Variants in CNTN4 observed in about 807,000 individuals in gnomAD.
CNTN4 encodes contactin-4.
A neutral mutation model predicts 122.5 loss-of-function variants in CNTN4; 77 were observed. The observed-to-expected ratio is 0.63, with a 90% CI of 0.52 to 0.76. The LOEUF is 0.76. Ranked by LOEUF, CNTN4 falls within the 30% of genes least tolerant of loss-of-function variation. CNTN4 has a pLI of 0.00. For missense variants in CNTN4, 1,256 were observed against 1,259.1 expected, an observed-to-expected ratio of 1.00 and a Z score of 0.04; for synonymous variants, 512 against 447.0, an observed-to-expected ratio of 1.15 and a Z score of -1.83.
chr3:2,596,070 C>G (rs1003238694), intron 4 of CNTN4, among the ~76,000 whole-genome samples: 8 of 152,228 alleles, frequency 5.3e-5, no homozygotes, highest in African/African-American at 1.9e-4. Context: ...ATAGCATGTG[C>G]CTTTACATGA....
At chr3:2,187,117 A>T (rs1374276529) in intron 2 of CNTN4, among the ~76,000 whole-genome samples, 1 of 152,186 alleles carries the variant, frequency 6.6e-6, no homozygotes, top group Non-Finnish European at 1.5e-5. Context: ...AGGTGTAAGG[A>T]AGGGATCCAC....
chr3:2,290,949 A>T (rs1422522595), intron 2 of CNTN4, among the ~76,000 whole-genome samples: 1 of 152,212 alleles, frequency 6.6e-6, no homozygotes. Flanking sequence ...GACATGTGAA[A>T]GCCTTACATT....
intron 2 of CNTN4, among the ~76,000 whole-genome samples, chr3:2,215,743 C>T (rs1008376531): frequency 2.6e-4 from 39 of 151,780 alleles, no homozygotes; most frequent in African/African-American, 8.0e-4. Flanking sequence ...TTAGCCCAGG[C>T]GTGGTGGCAT....
chr3:2,839,554 CT>C (rs1246750786), intron 7 of CNTN4, among the ~76,000 whole-genome samples: 2 of 152,170 alleles, frequency 1.3e-5, no homozygotes, highest in Non-Finnish European at 2.9e-5. Context: ...GTAGAAATAA[CT>C]TACTTACCCC....
intron 4 of CNTN4, among the ~76,000 whole-genome samples, chr3:2,694,664 G>T (rs537367320): frequency 2.6e-5 from 4 of 152,276 alleles, no homozygotes; most frequent in Admixed American, 6.5e-5. Context: ...AGGAGGCAGA[G>T]GTTGCAGTGA....
intron 2 of CNTN4, among the ~76,000 whole-genome samples, chr3:2,211,499 C>G (rs191650725): frequency 8.5e-5 from 13 of 152,208 alleles, no homozygotes; most frequent in Admixed American, 7.9e-4. Flanking sequence ...CTTCCCTTAT[C>G]AATAGAAAAC....
chr3:2,761,437 C>CGTGTGTGT lies in CNTN4; in HGVS notation c.358+15740_358+15741insGTGTGTGT, dbSNP rs2090584834. Among the ~76,000 whole-genome samples, 3 of 130,462 alleles carry CGTGTGTGT rather than the reference C, an allele frequency of 2.3e-5. No individual in the cohort carries two copies. The East Asian group carries it at 8.9e-4, about 39-fold the overall frequency. 85.6% of individuals were successfully genotyped at this position (130,462 alleles called of 152,430 possible). On this transcript the variant is annotated intron_variant, in intron 6 of 24. Coordinates refer to ENST00000418658, the MANE Select transcript of CNTN4 (RefSeq NM_175607.3). Reference sequence around the variant, plus strand: ...GATTAAATATGCCTGGTAAGTGTAACCTGTGTGTGTGTGTGTGTGTGTGTG... The same window carrying CGTGTGTGT: ...GATTAAATATGCCTGGTAAGTGTAACGTGTGTGTCTGTGTGTGTGTGTGTGTGTGTGTG...
At chr3:2,284,261 T>C (rs2041828258) in intron 2 of CNTN4, among the ~76,000 whole-genome samples, 2 of 152,052 alleles carry the variant, frequency 1.3e-5, no homozygotes, top group Admixed American at 1.3e-4. Context: ...AAGTTAAGAA[T>C]AGGAAATAAG....
intron 2 of CNTN4, among the ~76,000 whole-genome samples, chr3:2,277,822 C>T (rs1437217244): frequency 6.6e-6 from 1 of 152,162 alleles, no homozygotes; most frequent in African/African-American, 2.4e-5. Flanking sequence ...GGAGACTCAG[C>T]AAGTTCAGCA....
chr3:2,252,089 T>C (rs1263714287), intron 2 of CNTN4, among the ~76,000 whole-genome samples: 1 of 152,000 alleles, frequency 6.6e-6, no homozygotes, highest in African/African-American at 2.4e-5. Flanking sequence ...CATTCACATT[T>C]ATAGGAATCA....
chr3:2,406,919 A>G (rs1334431855), intron 3 of CNTN4, among the ~76,000 whole-genome samples: 1 of 152,204 alleles, frequency 6.6e-6, no homozygotes, highest in Non-Finnish European at 1.5e-5. Flanking sequence ...TAAATATGAT[A>G]TAGCAGGTAA....
intron 2 of CNTN4, among the ~76,000 whole-genome samples, chr3:2,178,377 C>T (rs923325087): frequency 6.6e-6 from 1 of 151,744 alleles, no homozygotes; most frequent in Non-Finnish European, 1.5e-5. Flanking sequence ...GAGTGTTTCA[C>T]AAAGTGTGAT....
chr3:2,902,730 C>A, intron 11 of CNTN4, 146 bp from the exon 12 acceptor site: 1 of 792,314 alleles, frequency 1.3e-6, no homozygotes, highest in Non-Finnish European at 2.1e-6. Flanking sequence ...ATTTAGCTGA[C>A]AGATAAATAG....
chr3:2,389,696 G>A (rs1226912552), intron 3 of CNTN4, among the ~76,000 whole-genome samples: 1 of 152,058 alleles, frequency 6.6e-6, no homozygotes, highest in Non-Finnish European at 1.5e-5. Context: ...GCCTAGAAAG[G>A]GAAGAACAGG....
chr3:2,507,119 A>G (rs1293819156), intron 3 of CNTN4, among the ~76,000 whole-genome samples: 3 of 152,186 alleles, frequency 2.0e-5, no homozygotes, highest in African/African-American at 7.2e-5. Flanking sequence ...GAGCACCAAC[A>G]TTTATACTTA....
chr3:2,618,025 T>C (rs1325676066), intron 4 of CNTN4, among the ~76,000 whole-genome samples: 3 of 152,208 alleles, frequency 2.0e-5, no homozygotes, highest in African/African-American at 7.2e-5. Context: ...TCACTTTCTA[T>C]GTGCCAGAAA....
intron 2 of CNTN4, among the ~76,000 whole-genome samples, chr3:2,182,546 ACTC>A (rs1410638109): frequency 2.6e-5 from 4 of 152,042 alleles, no homozygotes; most frequent in African/African-American, 9.7e-5. Flanking sequence ...TATCTGAACT[ACTC>A]CTTATAATTA....
Position 2,969,338 on chromosome 3 carries a change from T to A in CNTN4, c.1359-19007T>A, listed in dbSNP as rs879586753. 5.9e-4 allele frequency among the ~76,000 whole-genome samples: 90 copies of A among 152,114 alleles called. 1 individual carries two copies. The highest frequency in any genetic ancestry group is 3.2e-4 in the Non-Finnish European group (22 of 68,016). On this transcript the variant is annotated intron_variant, in intron 13 of 24. Coordinates refer to ENST00000418658, the MANE Select transcript of CNTN4 (RefSeq NM_175607.3). ...GATGACACACATTTATCCTGATTGG[T>A]CTAGGCTAGGTCAGGTGTCCACTCC...
At chr3:2,286,398 C>T (rs572920086) in intron 2 of CNTN4, among the ~76,000 whole-genome samples, 1 of 150,508 alleles carries the variant, frequency 6.6e-6, no homozygotes, top group African/African-American at 2.4e-5. Flanking sequence ...ATTGTGAAAC[C>T]TGAAAAGAAA....
Sources: allele counts gnomAD v4.1 joint callset (sites outside exome capture counted in the v4.1 genomes callset), GRCh38; gene constraint gnomAD v4.1.1; transcripts MANE v1.5; gene names NCBI Gene and HGNC (gene_info 2026-07-23, HGNC 2026-07-21).